TRAPPC9: variants seen among roughly 807,000 people sequenced by gnomAD.
TRAPPC9 encodes the protein trafficking protein particle complex subunit 9.
Under a neutral mutation model 124.0 loss-of-function variants are expected in TRAPPC9, and 83 were observed. The ratio of observed to expected loss-of-function variants is 0.67; its 90% CI spans 0.56 to 0.80. TRAPPC9 has a LOEUF of 0.80. TRAPPC9 is among the 30% of genes least tolerant of loss of function. The pLI is 0.00. For missense variants in TRAPPC9, 1,302 were observed against 1,508.3 expected (o/e 0.86, Z 2.27); for synonymous variants, 638 against 617.5 (o/e 1.03, Z -0.49).
chr8:140,094,407 C>A (rs554237158), intron 17 of TRAPPC9, among the ~76,000 whole-genome samples: 2 of 152,296 alleles, frequency 1.3e-5, no homozygotes, highest in African/African-American at 4.8e-5. Flanking sequence ...GAGCCACGCA[C>A]GGTCATTCCA....
At chr8:139,940,351 T>A (rs1833829289) in intron 19 of TRAPPC9, among the ~76,000 whole-genome samples, 1 of 152,248 alleles carries the variant, frequency 6.6e-6, no homozygotes, top group Non-Finnish European at 1.5e-5. Context: ...ATTGGGGAGT[T>A]TTTGCTATGC....
chr8:139,996,165 A>AAAAAAAAAAAAAAAAAAAAAAG, intron 18 of TRAPPC9, among the ~76,000 whole-genome samples: 1 of 139,462 alleles, frequency 7.2e-6, no homozygotes, highest in African/African-American at 2.6e-5. Flanking sequence ...AAGCAAAAAA[A>AAAAAAAAAAAAAAAAAAAAAAG]AAAAAAAAAA....
intron 10 of TRAPPC9, among the ~76,000 whole-genome samples, chr8:140,304,705 C>T (rs545789330): frequency 1.3e-5 from 2 of 152,356 alleles, no homozygotes; most frequent in Non-Finnish European, 2.9e-5. Flanking sequence ...CGGCAGACAC[C>T]TACCAGCTCT....
intron 10 of TRAPPC9, 45 bp from the exon 11 acceptor site, chr8:140,300,659 C>T (rs114757781): frequency 7.4e-6 from 12 of 1,612,962 alleles, no homozygotes; most frequent in East Asian, 6.7e-5. Flanking sequence ...GTCTGGTTAG[C>T]GTGGTTTCAG....
chr8:140,059,799 C>T (rs1587616162), intron 17 of TRAPPC9, among the ~76,000 whole-genome samples: 1 of 152,186 alleles, frequency 6.6e-6, no homozygotes, highest in East Asian at 1.9e-4. Context: ...AATTTATTCA[C>T]GTATTCTTGA....
chr8:140,223,767 C>A (rs1185411924), intron 16 of TRAPPC9, among the ~76,000 whole-genome samples: 1 of 151,814 alleles, frequency 6.6e-6, no homozygotes, highest in Non-Finnish European at 1.5e-5. Flanking sequence ...AAAAACACTT[C>A]TCTTAAGCAT....
intron 20 of TRAPPC9, among the ~76,000 whole-genome samples, chr8:139,891,232 A>G (rs1010739599): frequency 2.6e-5 from 4 of 152,246 alleles, no homozygotes; most frequent in Non-Finnish European, 5.9e-5. Flanking sequence ...TCAAGGCACC[A>G]TATTAAATTA....
intron 21 of TRAPPC9, among the ~76,000 whole-genome samples, chr8:139,842,747 G>A (rs1449328214): frequency 6.6e-6 from 1 of 152,188 alleles, no homozygotes; most frequent in Non-Finnish European, 1.5e-5. Flanking sequence ...GCCCATAGAC[G>A]GGCTCAGGGT....
chr8:140,215,727 C>T (rs2063176432), intron 17 of TRAPPC9, among the ~76,000 whole-genome samples: 1 of 152,062 alleles, frequency 6.6e-6, no homozygotes, highest in Admixed American at 6.5e-5. Flanking sequence ...GCAAGTCTTC[C>T]CTAAACTTCC....
chr8:140,285,841 C>T (rs1464050478), intron 13 of TRAPPC9, among the ~76,000 whole-genome samples: 3 of 152,186 alleles, frequency 2.0e-5, no homozygotes, highest in Non-Finnish European at 2.9e-5. Flanking sequence ...CACTCCACTC[C>T]GTATTCCCAC....
At chr8:140,018,324 A>ATTTTTTTTTTTTTTTTTTTTTTTT (rs1554608008) in intron 18 of TRAPPC9, among the ~76,000 whole-genome samples, 3 of 119,778 alleles carry the variant, frequency 2.5e-5, no homozygotes, top group African/African-American at 9.8e-5. Flanking sequence ...AACGTAAGTG[A>ATTTTTTTTTTTTTTTTTTTTTTTT]TTTTTTTTTT....
At chr8:140,404,946 G>GTGTGTGTGTGTC (rs910246104) in intron 6 of TRAPPC9, among the ~76,000 whole-genome samples, 9 of 150,880 alleles carry the variant, frequency 6.0e-5, no homozygotes, top group Admixed American at 3.3e-4. Context: ...GTGTGTGTGT[G>GTGTGTGTGTGTC]TCTCATAGGC....
intron 20 of TRAPPC9, among the ~76,000 whole-genome samples, chr8:139,888,865 G>A (rs1286065831): frequency 1.3e-5 from 2 of 152,154 alleles, no homozygotes; most frequent in Admixed American, 6.5e-5. Context: ...TCTGAGCTAG[G>A]GTTTAGGGTT....
At chr8:140,212,762 G>GT (rs1009268128) in intron 17 of TRAPPC9, among the ~76,000 whole-genome samples, 13 of 151,880 alleles carry the variant, frequency 8.6e-5, no homozygotes, top group South Asian at 4.2e-4. Flanking sequence ...ATGGGAAGGC[G>GT]TTTTTTTTCT....
chr8:140,101,248 T>G (rs1410248263), intron 17 of TRAPPC9, among the ~76,000 whole-genome samples: 1 of 152,062 alleles, frequency 6.6e-6, no homozygotes, highest in Non-Finnish European at 1.5e-5. Flanking sequence ...CAAGCGATTC[T>G]CCTGCCTCAG....
chr8:139,933,525 C>A (rs145251340), intron 19 of TRAPPC9: 3 of 152,308 alleles, frequency 2.0e-5, no homozygotes, highest in Non-Finnish European at 4.4e-5. Context: ...ACAGGGCCAG[C>A]GTCTTGAGCC....
chr8:139,787,055 C>T (rs1477580912), intron 21 of TRAPPC9, among the ~76,000 whole-genome samples: 2 of 152,078 alleles, frequency 1.3e-5, no homozygotes, highest in African/African-American at 2.4e-5. Context: ...TACAACAAAG[C>T]TGTTAAAAAA....
intron 6 of TRAPPC9, among the ~76,000 whole-genome samples, chr8:140,402,134 T>C (rs1014142318): frequency 2.6e-5 from 4 of 151,740 alleles, no homozygotes; most frequent in East Asian, 1.9e-4. Context: ...CAGGAGGCCA[T>C]GGTGGGAGGA....
chr8:140,139,469 A>C (rs921827828), intron 17 of TRAPPC9, among the ~76,000 whole-genome samples: 14 of 152,198 alleles, frequency 9.2e-5, no homozygotes, highest in Non-Finnish European at 1.6e-4. Flanking sequence ...TGCACCAAAA[A>C]GACACAGACG....
Sources: allele counts gnomAD v4.1 joint callset (sites outside exome capture counted in the v4.1 genomes callset), GRCh38; gene constraint gnomAD v4.1.1; transcripts MANE v1.5; gene names NCBI Gene and HGNC (gene_info 2026-07-23, HGNC 2026-07-21).